The following CASK variants were observed in gnomAD, a reference collection of about 807,000 sequenced individuals.
The protein encoded by CASK is calcium/calmodulin dependent serine protein kinase.
In CASK, 4 loss-of-function variants were observed where a neutral mutation model predicts 82.9. The ratio of observed to expected loss-of-function variants is 0.05; its 90% CI spans 0.02 to 0.11. The LOEUF is 0.11. Among genes scored for constraint, CASK ranks in the 10% least tolerant of loss-of-function variants. The pLI, the probability that CASK is intolerant of heterozygous loss-of-function variation, is 1.00. For synonymous variants in CASK, 259 were observed against 253.5 expected (o/e 1.02, Z -0.20); for missense variants, 358 against 720.9 (o/e 0.50, Z 5.76).
chrX:41,701,440 CA>C (rs937772574), intron 5 of CASK, among the ~76,000 whole-genome samples: 4 of 112,432 alleles, frequency 3.6e-5, no homozygotes, highest in Admixed American at 2.8e-4. Context: ...CAGCCACCAA[CA>C]AACAAACTTC....
At chrX:41,762,235 G>A (rs2069013730) in intron 3 of CASK, among the ~76,000 whole-genome samples, 1 of 112,082 alleles carries the variant, frequency 8.9e-6, no homozygotes, top group African/African-American at 3.2e-5. Flanking sequence ...ATACTCAATA[G>A]AATTTATGAC....
At chrX:41,539,056 T>G (rs2064913066) in intron 22 of CASK, among the ~76,000 whole-genome samples, 1 of 111,813 alleles carries the variant, frequency 8.9e-6, no homozygotes, top group Admixed American at 9.5e-5. Flanking sequence ...GAAACCCAAA[T>G]TTTTATGTTA....
chrX:41,831,963 A>C (rs2070828030), intron 2 of CASK, among the ~76,000 whole-genome samples: 1 of 109,730 alleles, frequency 9.1e-6, no homozygotes, highest in Non-Finnish European at 1.9e-5. Flanking sequence ...TCCGTCTCAA[A>C]ATAAATAAAT....
chrX:41,790,544 C>A (rs778275590), intron 2 of CASK, among the ~76,000 whole-genome samples: 2 of 111,368 alleles, frequency 1.8e-5, no homozygotes, highest in South Asian at 7.5e-4. Context: ...TATCACCTAC[C>A]CACTCTCAAA....
chrX:41,710,621 C>T (rs963909836), intron 5 of CASK, among the ~76,000 whole-genome samples: 3 of 112,024 alleles, frequency 2.7e-5, no homozygotes, highest in African/African-American at 9.7e-5. Context: ...CATACAACTG[C>T]TAAAATCCTT....
At chrX:41,530,655 G>A (rs2064788246) in intron 25 of CASK, among the ~76,000 whole-genome samples, 1 of 112,589 alleles carries the variant, frequency 8.9e-6, no homozygotes, top group Admixed American at 9.4e-5. Flanking sequence ...CCCAGAGAGG[G>A]AAGGTGGCTG....
intron 2 of CASK, among the ~76,000 whole-genome samples, chrX:41,848,699 A>C (rs1380528088): frequency 8.9e-6 from 1 of 112,182 alleles, no homozygotes; most frequent in Non-Finnish European, 1.9e-5. Context: ...ACAAGTAAAA[A>C]AATGACAATA....
At chrX:41,817,875 T>C (rs899511491) in intron 2 of CASK, among the ~76,000 whole-genome samples, 10 of 111,259 alleles carry the variant, frequency 9.0e-5, no homozygotes, top group Non-Finnish European at 1.5e-4. Flanking sequence ...TGCTGAGAGA[T>C]ATATGAGAGA....
intron 1 of CASK, among the ~76,000 whole-genome samples, chrX:41,866,201 C>T (rs1193828035): frequency 1.8e-5 from 2 of 112,711 alleles, no homozygotes; most frequent in African/African-American, 6.4e-5. Flanking sequence ...TTGCTGCTCC[C>T]GCAGCAACTG....
chrX:41,810,762 G>A (rs1052325551), intron 2 of CASK, among the ~76,000 whole-genome samples: 9 of 111,727 alleles, frequency 8.1e-5, no homozygotes, highest in South Asian at 3.7e-4. Flanking sequence ...TGGGCTAAAC[G>A]CTCCAATTAA....
chrX:41,680,777 T>G (rs2067339881), intron 5 of CASK, among the ~76,000 whole-genome samples: 1 of 109,928 alleles, frequency 9.1e-6, no homozygotes, highest in Admixed American at 9.7e-5. Context: ...TAGCTGGGTG[T>G]GGTGGCAGAA....
chrX:41,529,112 A>G (rs764089849), intron 25 of CASK, among the ~76,000 whole-genome samples: 1 of 112,116 alleles, frequency 8.9e-6, no homozygotes, highest in African/African-American at 3.2e-5. Context: ...CCTCAGGGCT[A>G]GGTGGATCTG....
intron 25 of CASK, among the ~76,000 whole-genome samples, chrX:41,528,146 G>A (rs1189860319): frequency 8.9e-6 from 1 of 112,295 alleles, no homozygotes; most frequent in African/African-American, 3.2e-5. Flanking sequence ...AGCCTTAATC[G>A]AGTCACAATT....
chrX:41,643,616 T>C (rs1291417040), intron 8 of CASK, among the ~76,000 whole-genome samples: 1 of 111,951 alleles, frequency 8.9e-6, no homozygotes, highest in African/African-American at 3.2e-5. Context: ...TTTTTGCACA[T>C]TGATTTTGTA....
intron 4 of CASK, among the ~76,000 whole-genome samples, chrX:41,744,147 A>T (rs2068643644): frequency 1.8e-5 from 2 of 109,410 alleles, no homozygotes; most frequent in African/African-American, 6.6e-5. Flanking sequence ...AAAAAACTTA[A>T]TATGTTTGTG....
Position 41,623,212 on chromosome X carries a change from AG to A in CASK, c.1016-579del, listed in dbSNP as rs1281948262. Among the ~76,000 whole-genome samples, 150 of 111,784 alleles carry A rather than the reference AG, an allele frequency of 1.3e-3. 1 individual carries two copies. Among genetic ancestry groups the A allele is most frequent in the African/African-American group, 4.6e-3 (143 of 30,810 alleles). On this transcript the variant is annotated intron_variant, in intron 10 of 26. Coordinates refer to ENST00000378163, the MANE Select transcript of CASK (RefSeq NM_001367721.1). The stretch of plus-strand genomic sequence containing the variant: ...CCCAGCCCCACTTCAAGCAATACAC[AG>A]TTCATCATAAGATTAAATGAATTCT...
At chrX:41,565,775 A>C (rs1190829518) in intron 16 of CASK, among the ~76,000 whole-genome samples, 1 of 111,658 alleles carries the variant, frequency 9.0e-6, no homozygotes, top group Non-Finnish European at 1.9e-5. Context: ...TGGCAGAGAC[A>C]CAACAAAAAA....
intron 5 of CASK, among the ~76,000 whole-genome samples, chrX:41,691,983 T>A (rs2067575351): frequency 9.0e-6 from 1 of 110,517 alleles, no homozygotes; most frequent in African/African-American, 3.3e-5. Flanking sequence ...GGTCTTGAAC[T>A]CCTGGTCTCA....
intron 1 of CASK, among the ~76,000 whole-genome samples, chrX:41,866,074 T>A (rs769393679): frequency 8.9e-6 from 1 of 112,676 alleles, no homozygotes; most frequent in African/African-American, 3.2e-5. Context: ...CTGTTGCTGC[T>A]GCTGTCTACA....
Sources: allele counts gnomAD v4.1 joint callset (sites outside exome capture counted in the v4.1 genomes callset), GRCh38; gene constraint gnomAD v4.1.1; transcripts MANE v1.5; gene names NCBI Gene and HGNC (gene_info 2026-07-23, HGNC 2026-07-21).